Variants in KIAA1328 observed in about 807,000 individuals in gnomAD.
KIAA1328 encodes protein hinderin.
A neutral mutation model predicts 68.1 loss-of-function variants in KIAA1328; 52 were observed. The observed-to-expected ratio is 0.76, with a 90% confidence interval of 0.61 to 0.96. The LOEUF is 0.96. Ranked by LOEUF, KIAA1328 falls within the 40% of genes least tolerant of loss-of-function variation. The pLI is 0.00. For missense variants in KIAA1328, 641 were observed against 677.6 expected (o/e 0.95, Z 0.60); for synonymous variants, 232 against 239.4 (o/e 0.97, Z 0.28).
chr18:37,020,380 C>T (rs966556583), intron 6 of KIAA1328, among the ~76,000 whole-genome samples: 5 of 152,194 alleles, frequency 3.3e-5, no homozygotes, highest in Non-Finnish European at 5.9e-5. Flanking sequence ...ATGTTGGCCT[C>T]CCAAAATGCT....
Position 37,071,409 on chromosome 18 carries a change from C to T in KIAA1328, c.1232+3864C>T, listed in dbSNP as rs560766641. Reference sequence around the variant, plus strand: ...TTTTAATGTAAAGTGTATATGATTTCCCATATGGTTGGCCCTCCATATCCC... The same window carrying T: ...TTTTAATGTAAAGTGTATATGATTTTCCATATGGTTGGCCCTCCATATCCC... On this transcript the variant is annotated intron_variant, in intron 7 of 9. Coordinates refer to ENST00000280020, the MANE Select transcript of KIAA1328 (RefSeq NM_020776.3). Among the ~76,000 whole-genome samples the T allele has an allele frequency of 4.0e-4, 61 of 152,222 alleles. 1 individual carries two copies. The highest frequency in any genetic ancestry group is 1.5e-3 in the South Asian group (7 of 4,820).
intron 5 of KIAA1328, among the ~76,000 whole-genome samples, chr18:36,897,303 GA>G (rs1311029601): frequency 3.3e-4 from 50 of 151,986 alleles, no homozygotes; most frequent in Admixed American, 3.3e-3. Flanking sequence ...AGCAGTTTTT[GA>G]ATTTGTAAAT....
At chr18:37,029,874 A>T (rs1290753698) in intron 6 of KIAA1328, among the ~76,000 whole-genome samples, 2 of 152,200 alleles carry the variant, frequency 1.3e-5, no homozygotes, top group African/African-American at 2.4e-5. Context: ...TTTAATTACT[A>T]TGTCAATTTC....
chr18:37,217,814 G>A (rs1352669394), intron 9 of KIAA1328, among the ~76,000 whole-genome samples: 4 of 152,174 alleles, frequency 2.6e-5, no homozygotes, highest in Non-Finnish European at 4.4e-5. Context: ...CCAATCAAAC[G>A]TAGATTTGGT....
chr18:36,942,223 A>C (rs2050741447), intron 5 of KIAA1328, among the ~76,000 whole-genome samples: 1 of 152,208 alleles, frequency 6.6e-6, no homozygotes, highest in Non-Finnish European at 1.5e-5. Flanking sequence ...CATATTTTAA[A>C]TATTTCTACT....
chr18:36,891,412 G>A (rs1290231980), intron 5 of KIAA1328, among the ~76,000 whole-genome samples: 1 of 152,162 alleles, frequency 6.6e-6, no homozygotes. Flanking sequence ...CACTGGAGCA[G>A]TGTACATTGT....
At chr18:37,026,958 G>A (rs2054608013) in intron 6 of KIAA1328, among the ~76,000 whole-genome samples, 1 of 152,140 alleles carries the variant, frequency 6.6e-6, no homozygotes, top group Non-Finnish European at 1.5e-5. Context: ...TGACATGATT[G>A]TATATCTAGA....
At chr18:37,040,185 A>G (rs1315009311) in intron 6 of KIAA1328, among the ~76,000 whole-genome samples, 1 of 152,156 alleles carries the variant, frequency 6.6e-6, no homozygotes, top group Non-Finnish European at 1.5e-5. Context: ...TTTTTTTGCC[A>G]TGTGATGCAA....
At chr18:36,864,259 G>T (rs944452041) in intron 4 of KIAA1328, among the ~76,000 whole-genome samples, 18 of 150,930 alleles carry the variant, frequency 1.2e-4, no homozygotes, top group Non-Finnish European at 2.1e-4. Context: ...ATTTTTGAAA[G>T]TTGAATCAGC....
At chr18:37,185,616 G>C in intron 9 of KIAA1328, among the ~76,000 whole-genome samples, 1 of 152,028 alleles carries the variant, frequency 6.6e-6, no homozygotes. Flanking sequence ...ATAGAATAAA[G>C]TAGTTAATGG....
chr18:37,076,043 C>T (rs1487508394), intron 7 of KIAA1328, among the ~76,000 whole-genome samples: 4 of 151,970 alleles, frequency 2.6e-5, no homozygotes, highest in Admixed American at 2.0e-4. Context: ...TTTTTCAGCA[C>T]CACACCACAC....
intron 9 of KIAA1328, 136 bp from the exon 10 acceptor site, chr18:37,221,881 T>C: frequency 1.2e-6 from 1 of 840,242 alleles, no homozygotes; most frequent in Non-Finnish European, 1.8e-6. Flanking sequence ...TCACAAAAAT[T>C]CCCTTAAGCA....
intron 9 of KIAA1328, among the ~76,000 whole-genome samples, chr18:37,189,081 A>G (rs2059856009): frequency 3.3e-5 from 5 of 152,188 alleles, no homozygotes; most frequent in Admixed American, 3.3e-4. Flanking sequence ...TTCAGCTAAT[A>G]TGGCTTTCCA....
At chr18:37,058,162 T>C (rs1248183394) in intron 6 of KIAA1328, among the ~76,000 whole-genome samples, 2 of 152,262 alleles carry the variant, frequency 1.3e-5, no homozygotes, top group Middle Eastern at 3.4e-3. Context: ...GCTTGGGTTA[T>C]GTGCAGAGAG....
intron 7 of KIAA1328, chr18:37,074,932 C>A (rs954155714): frequency 1.3e-5 from 2 of 152,074 alleles, no homozygotes; most frequent in African/African-American, 4.8e-5. Flanking sequence ...AGGAGAACTT[C>A]CCCAATCTAG....
At chr18:36,916,656 G>A (rs2049713323) in intron 5 of KIAA1328, among the ~76,000 whole-genome samples, 1 of 152,022 alleles carries the variant, frequency 6.6e-6, no homozygotes, top group Non-Finnish European at 1.5e-5. Context: ...CTTACATGTG[G>A]GTCAGGAGCT....
chr18:36,917,017 A>G (rs2049731299), intron 5 of KIAA1328, among the ~76,000 whole-genome samples: 1 of 152,156 alleles, frequency 6.6e-6, no homozygotes, highest in Admixed American at 6.5e-5. Context: ...GCAAAAACAA[A>G]AAAAATCTTA....
In KIAA1328 at chr18:37,224,331, T is replaced by TG; in HGVS notation, c.*2109dup. On this transcript the variant is annotated 3_prime_UTR_variant, in exon 10 of 10. Coordinates refer to ENST00000280020, the MANE Select transcript of KIAA1328 (RefSeq NM_020776.3). ...AACAGAGTCTAAACTAAAGGCTTTT[T>TG]GGGGGTCACAGCCACAGAGTGGAGT... 1 of 985,396 alleles carries TG rather than the reference T, an allele frequency of 1.0e-6. No individual in the cohort carries two copies. Among genetic ancestry groups the TG allele is most frequent in the Non-Finnish European group, 1.2e-6 (1 of 829,932 alleles). The allele number at this position is 985,396 out of a possible 1,614,324, so 61.0% of individuals were successfully genotyped here.
intron 7 of KIAA1328, among the ~76,000 whole-genome samples, chr18:37,109,794 C>A (rs576357184): frequency 1.9e-4 from 29 of 152,186 alleles, no homozygotes; most frequent in African/African-American, 7.0e-4. Flanking sequence ...TAATTTTCTT[C>A]CTAGAAGAAA....
Sources: gnomAD v4.1 joint callset for allele counts (sites outside exome capture counted in the v4.1 genomes callset) on GRCh38, gnomAD v4.1.1 for gene constraint, MANE v1.5 for transcripts, NCBI Gene and HGNC (gene_info 2026-07-23, HGNC 2026-07-21) for gene names.